Variants in APBA2 observed in about 807,000 individuals in gnomAD.
APBA2 encodes amyloid beta precursor protein binding family A member 2.
In APBA2, 30 loss-of-function variants were observed where a neutral mutation model predicts 75.0. That is an observed-to-expected ratio of 0.40 (90% CI 0.30 to 0.54). APBA2 has a LOEUF of 0.54. APBA2 is among the 20% of genes least tolerant of loss of function. APBA2 has a pLI of 0.49. For missense variants in APBA2, 801 were observed against 1,016.1 expected, an observed-to-expected ratio of 0.79 and a Z score of 2.88; for synonymous variants, 444 against 409.6, an observed-to-expected ratio of 1.08 and a Z score of -1.01.
chr15:28,973,129 G>A (rs2037157180), intron 2 of APBA2, among the ~76,000 whole-genome samples: 1 of 152,140 alleles, frequency 6.6e-6, no homozygotes, highest in South Asian at 2.1e-4. Flanking sequence ...ATTGAGGTCC[G>A]GACTCCTGTG....
chr15:28,956,798 C>T (rs1257817620), intron 2 of APBA2, among the ~76,000 whole-genome samples: 1 of 152,200 alleles, frequency 6.6e-6, no homozygotes, highest in East Asian at 1.9e-4. Context: ...ACTTCAGGTG[C>T]CTCGTATGAG....
intron 3 of APBA2, among the ~76,000 whole-genome samples, chr15:29,037,493 A>G (rs1194993714): frequency 6.6e-6 from 1 of 152,060 alleles, no homozygotes; most frequent in Non-Finnish European, 1.5e-5. Flanking sequence ...TGTTGGGATT[A>G]GAGGGGCAGC....
In APBA2 at chr15:28,995,342, G is replaced by A. The variant is rs912575694; in HGVS notation, c.-94-411G>A. On this transcript the variant is annotated intron_variant, in intron 2 of 14. Transcript: ENST00000683413. Reference sequence around the variant, plus strand: ...TCACTTTCATCGCAGTCCTCTCCCCGCCCACCCCCATATGCACACCCTCCG... The same window carrying A: ...TCACTTTCATCGCAGTCCTCTCCCCACCCACCCCCATATGCACACCCTCCG... Among the ~76,000 whole-genome samples, 8 of 151,996 alleles carry A rather than the reference G, an allele frequency of 5.3e-5. No individual in the cohort carries two copies. In the South Asian group the frequency reaches 8.4e-4, roughly 16 times the overall value.
At chr15:28,925,064 G>A (rs1199474547) in intron 2 of APBA2, among the ~76,000 whole-genome samples, 1 of 152,074 alleles carries the variant, frequency 6.6e-6, no homozygotes, top group African/African-American at 2.4e-5. Context: ...GCCTCATTTA[G>A]TGAGTGGTTT....
chr15:28,890,353 C>T (rs1437794511), intron 1 of APBA2, among the ~76,000 whole-genome samples: 1 of 152,232 alleles, frequency 6.6e-6, no homozygotes, highest in Non-Finnish European at 1.5e-5. Context: ...GTCCCTGCTG[C>T]CAAAGTCAGC....
chr15:28,926,163 A>T (rs1168770533), intron 2 of APBA2, among the ~76,000 whole-genome samples: 2 of 152,126 alleles, frequency 1.3e-5, no homozygotes, highest in Non-Finnish European at 2.9e-5. Context: ...TGTTTTGATC[A>T]TTCACATTTA....
intron 2 of APBA2, among the ~76,000 whole-genome samples, chr15:28,934,983 A>G (rs2152693585): frequency 6.6e-6 from 1 of 152,306 alleles, no homozygotes; most frequent in Admixed American, 6.5e-5. Context: ...AGGGGTTCTC[A>G]GTGCTCCCAT....
intron 2 of APBA2, among the ~76,000 whole-genome samples, chr15:28,928,169 T>G (rs2034379176): frequency 6.6e-6 from 1 of 151,004 alleles, no homozygotes; most frequent in African/African-American, 2.4e-5. Context: ...AGAAACATGT[T>G]GTCCTTTTTG....
chr15:29,013,906 G>T (rs1263909313), intron 3 of APBA2, among the ~76,000 whole-genome samples: 3 of 152,170 alleles, frequency 2.0e-5, no homozygotes, highest in African/African-American at 7.2e-5. Flanking sequence ...AGCATATTTG[G>T]CAGTGAAAGC....
At chr15:28,999,460 A>G (rs2038728215) in intron 3 of APBA2, among the ~76,000 whole-genome samples, 1 of 152,230 alleles carries the variant, frequency 6.6e-6, no homozygotes, top group African/African-American at 2.4e-5. Context: ...CAAATAGACA[A>G]ATGAACTCTG....
At chr15:28,930,116 C>T (rs1595483297) in intron 2 of APBA2, among the ~76,000 whole-genome samples, 1 of 152,192 alleles carries the variant, frequency 6.6e-6, no homozygotes, top group East Asian at 1.9e-4. Flanking sequence ...CCGTCCCTCC[C>T]TGACAGTGCA....
intron 3 of APBA2, among the ~76,000 whole-genome samples, chr15:29,030,247 C>T (rs1240312220): frequency 6.6e-6 from 1 of 152,098 alleles, no homozygotes; most frequent in African/African-American, 2.4e-5. Flanking sequence ...ATCACGAAAT[C>T]GGGGGATAGA....
chr15:29,054,055 G>T lies in APBA2; in HGVS notation c.171G>T (p.Ala57=). ...ELAALRPESP[A]PEEQECHNHS... ...CTGCCCTGCGGCCAGAGAGCCCCGCGCCAGAGGAACAGGAGTGCCACAACC... is the reference window on the plus strand; with the variant it reads ...CTGCCCTGCGGCCAGAGAGCCCCGCTCCAGAGGAACAGGAGTGCCACAACC... Residue 57 remains alanine (A), a synonymous_variant, in exon 4 of 15, where the codon GCG becomes GCT. Transcript: ENST00000683413. This position sits in a 1 kb window ranked among gnomAD's most constrained non-coding sequence, Gnocchi z 6.1. 1 of 1,613,894 alleles carries T rather than the reference G, an allele frequency of 6.2e-7. No individual in the cohort carries two copies. Among genetic ancestry groups the T allele is most frequent in the Non-Finnish European group, 8.5e-7 (1 of 1,180,020 alleles).
chr15:29,042,500 C>T (rs1391789718), intron 3 of APBA2, among the ~76,000 whole-genome samples: 9 of 152,132 alleles, frequency 5.9e-5, no homozygotes, highest in Non-Finnish European at 1.2e-4. Flanking sequence ...CCTTGTGATC[C>T]GCCCGCCTCG....
At chr15:29,043,398 C>T (rs1004151864) in intron 3 of APBA2, among the ~76,000 whole-genome samples, 9 of 152,178 alleles carry the variant, frequency 5.9e-5, no homozygotes, top group African/African-American at 1.7e-4. Flanking sequence ...CCCTTCCCAC[C>T]GCAGAAATGT....
intron 1 of APBA2, among the ~76,000 whole-genome samples, chr15:28,890,032 A>C (rs1429558277): frequency 1.3e-5 from 2 of 152,010 alleles, no homozygotes; most frequent in East Asian, 3.9e-4. Context: ...TTGTTGGATG[A>C]GTGAGTGAAC....
At chr15:28,969,578 C>G (rs1271126383) in intron 2 of APBA2, among the ~76,000 whole-genome samples, 1 of 152,102 alleles carries the variant, frequency 6.6e-6, no homozygotes, top group African/African-American at 2.4e-5. Context: ...GAAACATGCC[C>G]CTCCCTGATC....
chr15:29,085,396 G>A (rs570339749), intron 6 of APBA2, among the ~76,000 whole-genome samples: 1 of 151,884 alleles, frequency 6.6e-6, no homozygotes, highest in South Asian at 2.1e-4. Flanking sequence ...GTGGTGGCGG[G>A]CGCCTATAGT....
At chr15:28,956,755 C>G (rs2036191581) in intron 2 of APBA2, among the ~76,000 whole-genome samples, 1 of 152,170 alleles carries the variant, frequency 6.6e-6, no homozygotes, top group Non-Finnish European at 1.5e-5. Flanking sequence ...CCCCTGGCAC[C>G]CACCATTGTA....
Sources: allele counts gnomAD v4.1 joint callset (sites outside exome capture counted in the v4.1 genomes callset), GRCh38; gene constraint gnomAD v4.1.1; non-coding constraint Gnocchi (gnomAD v3.1); transcripts MANE v1.5; gene names NCBI Gene and HGNC (gene_info 2026-07-23, HGNC 2026-07-21).